ADAMTSL3: variants seen among roughly 807,000 people sequenced by gnomAD.
ADAMTSL3 encodes the protein ADAMTS-like protein 3.
ADAMTSL3 carries 128 observed loss-of-function variants against 201.7 expected under a neutral mutation model. The ratio of observed to expected loss-of-function variants is 0.63; its 90% CI spans 0.55 to 0.73. The LOEUF (loss-of-function observed/expected upper bound fraction) is 0.73, where lower values mean the gene tolerates loss of function less well. Among genes scored for constraint, ADAMTSL3 ranks in the 30% least tolerant of loss-of-function variants. ADAMTSL3 has a pLI of 0.00. For synonymous variants in ADAMTSL3, 738 were observed against 748.4 expected, an observed-to-expected ratio of 0.99 and a Z score of 0.23; for missense variants, 1,990 against 2,119.6, an observed-to-expected ratio of 0.94 and a Z score of 1.20.
chr15:84,029,724 A>G (rs952628138), intron 27 of ADAMTSL3, among the ~76,000 whole-genome samples: 4 of 152,224 alleles, frequency 2.6e-5, no homozygotes, highest in African/African-American at 9.6e-5. Flanking sequence ...ACAATGGGGA[A>G]CATGTCTCCA....
At chr15:83,850,067 A>C (rs760666747) in intron 7 of ADAMTSL3, among the ~76,000 whole-genome samples, 7 of 152,134 alleles carry the variant, frequency 4.6e-5, no homozygotes, top group Non-Finnish European at 1.0e-4. Context: ...CATAATACAA[A>C]AACTGATTCT....
chr15:83,758,191 A>G (rs1471105299), intron 3 of ADAMTSL3, among the ~76,000 whole-genome samples: 1 of 152,200 alleles, frequency 6.6e-6, no homozygotes. Flanking sequence ...TGCTGCTGAT[A>G]AAGACATACC....
At chr15:83,716,605 TC>T (rs1168890540) in intron 3 of ADAMTSL3, among the ~76,000 whole-genome samples, 1 of 131,990 alleles carries the variant, frequency 7.6e-6, no homozygotes, top group Non-Finnish European at 1.6e-5. Context: ...TATCTTTATT[TC>T]TTTGTGTGTG....
chr15:83,996,380 G>T (rs1248136614), intron 23 of ADAMTSL3, among the ~76,000 whole-genome samples: 3 of 152,044 alleles, frequency 2.0e-5, no homozygotes, highest in Non-Finnish European at 2.9e-5. Context: ...GAAAGACATT[G>T]TCAATAAATT....
chr15:83,822,664 T>C (rs1356422966), intron 6 of ADAMTSL3, among the ~76,000 whole-genome samples: 1 of 147,166 alleles, frequency 6.8e-6, no homozygotes, highest in Non-Finnish European at 1.5e-5. Flanking sequence ...ACTCCTCACT[T>C]CCTAGATGGG....
At chr15:83,754,138 C>G (rs2062681061) in intron 3 of ADAMTSL3, among the ~76,000 whole-genome samples, 1 of 152,140 alleles carries the variant, frequency 6.6e-6, no homozygotes, top group African/African-American at 2.4e-5. Flanking sequence ...CCCATTAATG[C>G]CAGTAGCACC....
At chr15:83,803,779 C>T (rs939552570) in intron 4 of ADAMTSL3, among the ~76,000 whole-genome samples, 5 of 152,134 alleles carry the variant, frequency 3.3e-5, no homozygotes, top group Non-Finnish European at 4.4e-5. Flanking sequence ...CTCAAACTTA[C>T]CAGTATTAGC....
intron 3 of ADAMTSL3, among the ~76,000 whole-genome samples, chr15:83,715,135 G>C (rs1316985724): frequency 6.6e-6 from 1 of 152,060 alleles, no homozygotes; most frequent in Non-Finnish European, 1.5e-5. Flanking sequence ...ACCCTGTGGG[G>C]ATGCTGCATC....
intron 8 of ADAMTSL3, among the ~76,000 whole-genome samples, chr15:83,864,800 A>G (rs1378892344): frequency 6.6e-6 from 1 of 152,230 alleles, no homozygotes; most frequent in African/African-American, 2.4e-5. Context: ...AGGGTATTCA[A>G]TTAAGAAAAG....
At chr15:83,887,987 A>T (rs4468570) in intron 10 of ADAMTSL3, among the ~76,000 whole-genome samples, 127,885 of 152,224 alleles carry the variant, frequency 0.84, 54,151 homozygotes, top group African/African-American at 0.94. Context: ...AAAGACACTT[A>T]CTACTCCAGA....
chr15:83,866,022 T>C (rs999625161), intron 8 of ADAMTSL3, among the ~76,000 whole-genome samples: 34 of 152,168 alleles, frequency 2.2e-4, no homozygotes, highest in Non-Finnish European at 4.1e-4. Flanking sequence ...CTCATCATCA[T>C]TGGCCATCAG....
chr15:83,734,371 C>T (rs2062335674), intron 3 of ADAMTSL3, among the ~76,000 whole-genome samples: 1 of 152,178 alleles, frequency 6.6e-6, no homozygotes, highest in Admixed American at 6.5e-5. Flanking sequence ...TGGCAAGAAT[C>T]ATGATCTAAA....
chr15:83,781,976 G>A (rs2063177047), intron 4 of ADAMTSL3, among the ~76,000 whole-genome samples: 1 of 152,168 alleles, frequency 6.6e-6, no homozygotes, highest in African/African-American at 2.4e-5. Context: ...TGGTGGGAGT[G>A]TAAATTAGTT....
chr15:83,841,844 G>T (rs2064382742), intron 7 of ADAMTSL3, among the ~76,000 whole-genome samples: 1 of 151,738 alleles, frequency 6.6e-6, no homozygotes, highest in African/African-American at 2.4e-5. Flanking sequence ...AAAACCCCAA[G>T]ACCCTAGCAG....
At chr15:83,672,071 GTCAC>G (rs760308668) in intron 2 of ADAMTSL3, among the ~76,000 whole-genome samples, 5 of 152,230 alleles carry the variant, frequency 3.3e-5, no homozygotes, top group Non-Finnish European at 7.4e-5. Context: ...CGCATTTGAT[GTCAC>G]TAATAAAATG....
chr15:83,670,995 T>C (rs879672394), intron 2 of ADAMTSL3, among the ~76,000 whole-genome samples: 1 of 152,236 alleles, frequency 6.6e-6, no homozygotes, highest in Admixed American at 6.5e-5. Context: ...TTCTGAATAT[T>C]GAATCATCCT....
At chr15:83,884,337 C>CA in intron 9 of ADAMTSL3, among the ~76,000 whole-genome samples, 1 of 98,004 alleles carries the variant, frequency 1.0e-5, no homozygotes. Flanking sequence ...TGCCCTATTT[C>CA]CTTTTTTTTT....
chr15:83,924,266 C>T (rs545818515), intron 17 of ADAMTSL3, among the ~76,000 whole-genome samples: 1 of 152,346 alleles, frequency 6.6e-6, no homozygotes, highest in Admixed American at 6.5e-5. Context: ...GCATCGAACA[C>T]GAATGAACAT....
At chr15:83,792,791 CA>C (rs71156100) in intron 4 of ADAMTSL3, among the ~76,000 whole-genome samples, 39,937 of 122,288 alleles carry the variant, frequency 0.33, 5,697 homozygotes, top group Admixed American at 0.53. Flanking sequence ...GACTCTGTCT[CA>C]AAAAAAAAAA....
Sources: allele counts gnomAD v4.1 joint callset (sites outside exome capture counted in the v4.1 genomes callset), GRCh38; gene constraint gnomAD v4.1.1; transcripts MANE v1.5; gene names NCBI Gene and HGNC (gene_info 2026-07-23, HGNC 2026-07-21).